Variants in NPHS2 observed in about 807,000 individuals in gnomAD.
NPHS2 encodes NPHS2 stomatin family member, podocin, also known as podocin.
In NPHS2, 36 loss-of-function variants were observed where a neutral mutation model predicts 37.1. The observed-to-expected ratio is 0.97, with a 90% CI of 0.74 to 1.28. The LOEUF (loss-of-function observed/expected upper bound fraction) is 1.28. NPHS2 is among the 50% of genes most tolerant of loss of function. NPHS2 has a pLI of 0.00. For missense variants in NPHS2, 447 were observed against 488.1 expected, an observed-to-expected ratio of 0.92 and a Z score of 0.79; for synonymous variants, 196 against 189.3, an observed-to-expected ratio of 1.04 and a Z score of -0.29.
In NPHS2 at chr1:179,564,653, T is replaced by A. The variant is rs761118549; in HGVS notation, c.378+37A>T. The A allele has an allele frequency of 1.9e-6, 3 of 1,549,730 alleles. No homozygotes were observed. The South Asian group carries it at 3.3e-5, about 17-fold the overall frequency. ...GGCATGGTGTGGCCAGTGAGAGGCC[T>A]CAGGAAATTACCTATTGGGTCCTTA... On this transcript the variant is annotated intron_variant, in intron 2 of 7. Transcript: ENST00000367615.
At chr1:179,572,706 T>A (rs1208141227) in intron 1 of NPHS2, among the ~76,000 whole-genome samples, 2 of 152,190 alleles carry the variant, frequency 1.3e-5, no homozygotes, top group East Asian at 1.9e-4. Context: ...GACTAGAAGG[T>A]GACTAAAAAT....
At chr1:179,573,296 T>G (rs1442039547) in intron 1 of NPHS2, among the ~76,000 whole-genome samples, 1 of 152,198 alleles carries the variant, frequency 6.6e-6, no homozygotes, top group Non-Finnish European at 1.5e-5. Context: ...AAATCAGCAC[T>G]GAATACCATA....
chr1:179,563,594 A>C (rs1674226073), intron 2 of NPHS2, among the ~76,000 whole-genome samples: 1 of 152,234 alleles, frequency 6.6e-6, no homozygotes, highest in South Asian at 2.1e-4. Flanking sequence ...ACAAACTTAA[A>C]AGGATTGAAA....
chr1:179,553,912 A>AT (rs11422639), intron 6 of NPHS2, among the ~76,000 whole-genome samples: 60,779 of 131,620 alleles, frequency 0.46, 15,302 homozygotes, highest in African/African-American at 0.67. Context: ...CCCCTGGCTA[A>AT]TTTTTTTTTT....
chr1:179,566,963 T>C (rs1164939804), intron 1 of NPHS2, among the ~76,000 whole-genome samples: 2 of 152,010 alleles, frequency 1.3e-5, no homozygotes, highest in African/African-American at 4.8e-5. Context: ...TTTTGGTTAC[T>C]GTAGCCTTGT....
At chr1:179,559,783 T>A (rs777459224) in intron 3 of NPHS2, 22 bp from the exon 4 acceptor site, 83 of 1,489,996 alleles carry the variant, frequency 5.6e-5, no homozygotes, top group Non-Finnish European at 7.3e-5. Flanking sequence ...GAGGAGGAAG[T>A]GACAGATAAA....
intron 2 of NPHS2, among the ~76,000 whole-genome samples, chr1:179,563,629 A>G (rs1434456775): frequency 2.6e-5 from 4 of 152,262 alleles, no homozygotes; most frequent in Non-Finnish European, 5.9e-5. Flanking sequence ...TTCTCTTATT[A>G]CAATGAAGTT....
intron 7 of NPHS2, 23 bp from the exon 8 acceptor site, chr1:179,551,474 A>G: frequency 6.2e-7 from 1 of 1,612,378 alleles, no homozygotes; most frequent in Non-Finnish European, 8.5e-7. Flanking sequence ...TGACGAAAGC[A>G]AAGTGATTGT....
At position 179,564,717 on chromosome 1, in the gene NPHS2, G is replaced by A. The variant is rs1572286119; in HGVS notation, c.351C>T (p.Phe117=). 1.9e-6 allele frequency: 3 copies of A among 1,614,118 alleles called. No individual in the cohort carries two copies. The highest frequency in any genetic ancestry group is 1.7e-6 in the Non-Finnish European group (2 of 1,179,998). ...LISLLFIIMT[F]PFSIWFCVKV... Reference sequence around the variant, plus strand: ...TTACGCAGAACCAGATGGAAAAAGGGAAGGTCATGATGATGAAGAGCAGGG... The same window carrying A: ...TTACGCAGAACCAGATGGAAAAAGGAAAGGTCATGATGATGAAGAGCAGGG... The change falls in exon 2 of 8, where the codon TTC becomes TTT. Residue 117 remains phenylalanine, a synonymous_variant. Coordinates refer to ENST00000367615, the MANE Select transcript of NPHS2 (RefSeq NM_014625.4).
At chr1:179,568,048 C>G (rs550906827) in intron 1 of NPHS2, among the ~76,000 whole-genome samples, 5 of 152,282 alleles carry the variant, frequency 3.3e-5, no homozygotes, top group Admixed American at 6.5e-5. Context: ...GCTTTGGTAT[C>G]AGGATTATGT....
chr1:179,575,754 C>G lies in NPHS2; in HGVS notation c.111G>C (p.Gly37=), dbSNP rs1457785096. 2 of 1,494,646 alleles carry G rather than the reference C, an allele frequency of 1.3e-6. No individual in the cohort carries two copies. Among genetic ancestry groups the G allele is most frequent in the African/African-American group, 2.9e-5 (2 of 69,372 alleles). The allele number at this position is 1,494,646 out of a possible 1,614,324, so 92.6% of individuals were successfully genotyped here. The change falls in exon 1 of 8, where the codon GGG becomes GGC. Residue 37 remains glycine, a synonymous_variant. Coordinates refer to ENST00000367615, the MANE Select transcript of NPHS2 (RefSeq NM_014625.4). ...ACGGCTCGGGCCCAGCCTCCTGGCG[C>G]CCGCGGCCTCCGCCGCTCCTCTCGG... ...AKAERSGGGR[G]RQEAGPEPSG... is the part of the protein sequence containing the mutation.
rs745354943 is a variant in NPHS2, at chr1:179,554,462, A to G, written c.794+14T>C. On this transcript the variant is annotated intron_variant, in intron 6 of 7. Transcript: ENST00000367615. ...CTTTATCATACAGTTCTTGCTAGTT[A>G]ATTTCCTACCCACATTTCTATTCTC... is the stretch of plus-strand genomic sequence containing the variant. The G allele has an allele frequency of 6.2e-7, 1 of 1,614,074 alleles. No individual in the cohort carries two copies. The highest frequency in any genetic ancestry group is 1.7e-5 in the Admixed American group (1 of 60,008).
intron 6 of NPHS2, 35 bp from the exon 7 acceptor site, chr1:179,552,716 A>G (rs1049369232): frequency 3.9e-6 from 6 of 1,558,366 alleles, no homozygotes; most frequent in African/African-American, 1.4e-5. Context: ...GTAGGTGTGC[A>G]GCCATGATTT....
At position 179,557,163 on chromosome 1, in the gene NPHS2, G is replaced by T. The variant is rs771256385; in HGVS notation, c.602C>A (p.Ser201Tyr). The T allele has an allele frequency of 6.2e-7, 1 of 1,614,066 alleles. No homozygotes were observed. Among genetic ancestry groups the T allele is most frequent in the South Asian group, 1.1e-5 (1 of 91,084 alleles). The change falls in exon 5 of 8, where the codon TCT becomes TAT. Residue 201 changes from serine to tyrosine, a missense_variant. Ser to Tyr is a moderately radical substitution (Grantham distance 144). Transcript: ENST00000367615. Reference sequence around the variant, plus strand: ...ATGAGCAAGACTGCTTAGGAGAAGAGAGGCATTTTCCATTCGGTAGTAGCA... The same window carrying T: ...ATGAGCAAGACTGCTTAGGAGAAGATAGGCATTTTCCATTCGGTAGTAGCA... ...AICYYRMENA[S>Y]LLLSSLAHVS... is the part of the protein sequence containing the mutation.
chr1:179,568,010 T>C (rs1438051706), intron 1 of NPHS2, among the ~76,000 whole-genome samples: 1 of 152,204 alleles, frequency 6.6e-6, no homozygotes, highest in Admixed American at 6.5e-5. Context: ...TGGTCTAAAA[T>C]TCTCTTTTTT....
chr1:179,552,547 T>C, intron 7 of NPHS2, 56 bp downstream of exon 7: 1 of 1,356,352 alleles, frequency 7.4e-7, no homozygotes, highest in Non-Finnish European at 1.1e-6. Context: ...GGGGAAATGT[T>C]CTCCACGAGC....
At position 179,551,113 on chromosome 1, in the gene NPHS2, C is replaced by T. The variant is rs1673184401; in HGVS notation, c.*60G>A. 2.6e-5 allele frequency: 41 copies of T among 1,606,816 alleles called. No individual in the cohort carries two copies. The highest frequency in any genetic ancestry group is 2.7e-5 in the African/African-American group (2 of 74,804). On this transcript the variant is annotated 3_prime_UTR_variant, in exon 8 of 8. Transcript: ENST00000367615. ...CAGGGAATGAGGACAGAGTGTCTCC[C>T]TCAGGCATGTGACTTTTCTATGGCA...
chr1:179,561,206 G>A, intron 3 of NPHS2, 83 bp downstream of exon 3: 1 of 894,316 alleles, frequency 1.1e-6, no homozygotes, highest in Non-Finnish European at 1.9e-6. Context: ...TTTAATCTGA[G>A]GTCCATATTA....
chr1:179,558,913 T>C lies in NPHS2; in HGVS notation c.534+766A>G, dbSNP rs182435084. ...TCTTTGGATGTCATCCTTTGAGAAATGTCTGTTCAAGTTCGTATTAGGGTT... is the reference window on the plus strand; with the variant it reads ...TCTTTGGATGTCATCCTTTGAGAAACGTCTGTTCAAGTTCGTATTAGGGTT... On this transcript the variant is annotated intron_variant, in intron 4 of 7. Coordinates refer to ENST00000367615, the MANE Select transcript of NPHS2 (RefSeq NM_014625.4). Among the ~76,000 whole-genome samples the C allele has an allele frequency of 9.4e-3, 1,428 of 152,288 alleles. 12 individuals are homozygous for C. The highest frequency in any genetic ancestry group is 0.033 in the African/African-American group (1,365 of 41,558).
Sources: gnomAD v4.1 joint callset for allele counts (sites outside exome capture counted in the v4.1 genomes callset) on GRCh38, gnomAD v4.1.1 for gene constraint, MANE v1.5 for transcripts, NCBI Gene and HGNC (gene_info 2026-07-23, HGNC 2026-07-21) for gene names.